The following GSK3B variants were observed in gnomAD, a reference collection of about 807,000 sequenced individuals.
The protein encoded by GSK3B is glycogen synthase kinase-3 beta.
Under a neutral mutation model 56.4 loss-of-function variants are expected in GSK3B, and 15 were observed. The ratio of observed to expected loss-of-function variants is 0.27; its 90% CI spans 0.18 to 0.41. GSK3B has a LOEUF of 0.41. Among genes scored for constraint, GSK3B ranks in the 10% least tolerant of loss-of-function variants. The pLI is 1.00. For missense variants in GSK3B, 300 were observed against 513.4 expected (o/e 0.58, Z 4.02); for synonymous variants, 181 against 188.9 (o/e 0.96, Z 0.34).
chr3:119,930,105 ACACACACACACACACACACGTGCGCATG>A (rs2056930660), intron 3 of GSK3B, among the ~76,000 whole-genome samples: 1 of 150,434 alleles, frequency 6.6e-6, no homozygotes, highest in Non-Finnish European at 1.5e-5. Flanking sequence ...ACACACACAC[ACACACACACACACACACACGTGCGCATG>A]CACACACACA....
Position 119,825,914 on chromosome 3 carries a change from C to G in GSK3B, c.*874G>C, listed in dbSNP as rs2055496142. The G allele has an allele frequency of 4.6e-6, 1 of 215,610 alleles. No individual in the cohort carries two copies. 13.4% of individuals were successfully genotyped at this position (215,610 alleles called of 1,614,324 possible). A position where few individuals can be genotyped will look rare whatever the true frequency, so the allele number is the denominator to read the frequency against. ...TGTCCCCTTCCTCTGGGCTCATCAG[C>G]CTTTGACCTCAGCAGCTAGCTCAGC... On this transcript the variant is annotated 3_prime_UTR_variant, in exon 11 of 11. Coordinates refer to ENST00000264235, the MANE Select transcript of GSK3B (RefSeq NM_001146156.2).
At chr3:119,903,857 T>C (rs2056650324) in intron 7 of GSK3B, among the ~76,000 whole-genome samples, 1 of 152,168 alleles carries the variant, frequency 6.6e-6, no homozygotes, top group African/African-American at 2.4e-5. Flanking sequence ...TGAGCTCAAG[T>C]ACGTCAAATA....
intron 1 of GSK3B, among the ~76,000 whole-genome samples, chr3:120,016,211 A>T (rs1576273425): frequency 6.6e-6 from 1 of 152,194 alleles, no homozygotes; most frequent in Non-Finnish European, 1.5e-5. Context: ...TACTAAAATG[A>T]AGACCCTAGA....
chr3:119,976,628 T>C (rs546890097), intron 2 of GSK3B, among the ~76,000 whole-genome samples: 2 of 152,220 alleles, frequency 1.3e-5, no homozygotes, highest in South Asian at 2.1e-4. Context: ...AATTAGATAG[T>C]AGTGATAGTT....
At chr3:119,889,230 AC>A (rs1482495446) in intron 7 of GSK3B, among the ~76,000 whole-genome samples, 6 of 151,714 alleles carry the variant, frequency 4.0e-5, no homozygotes, top group Admixed American at 3.9e-4. Context: ...ATGTGATGTC[AC>A]CCCCGGAGGC....
At chr3:119,923,143 T>C (rs894039734) in intron 4 of GSK3B, among the ~76,000 whole-genome samples, 15 of 152,198 alleles carry the variant, frequency 9.9e-5, no homozygotes, top group Admixed American at 2.6e-4. Context: ...GTGAAAAATA[T>C]TCACTGTAAT....
intron 2 of GSK3B, among the ~76,000 whole-genome samples, chr3:119,959,038 T>C (rs375932655): frequency 1.6e-4 from 25 of 152,322 alleles, no homozygotes; most frequent in East Asian, 7.7e-4. Flanking sequence ...ACAAAAATGA[T>C]TGGTTGACTC....
chr3:119,830,591 A>G (rs1313898733), intron 10 of GSK3B, among the ~76,000 whole-genome samples: 1 of 152,230 alleles, frequency 6.6e-6, no homozygotes, highest in Non-Finnish European at 1.5e-5. Flanking sequence ...ATTATGGTTT[A>G]AAAGAGAGGC....
intron 1 of GSK3B, among the ~76,000 whole-genome samples, chr3:120,045,678 A>G (rs1198953593): frequency 6.6e-6 from 1 of 152,186 alleles, no homozygotes; most frequent in Non-Finnish European, 1.5e-5. Flanking sequence ...GCCCTTCTGC[A>G]AAAATAAACT....
chr3:120,061,883 C>A (rs2058239683), intron 1 of GSK3B, among the ~76,000 whole-genome samples: 1 of 152,122 alleles, frequency 6.6e-6, no homozygotes, highest in South Asian at 2.1e-4. Flanking sequence ...CAGGCATGTG[C>A]TACCACGCGC....
chr3:119,990,796 C>T (rs148542517), intron 2 of GSK3B, among the ~76,000 whole-genome samples: 175 of 152,250 alleles, frequency 1.1e-3, no homozygotes, highest in African/African-American at 4.0e-3. Context: ...GGAGTAGTGG[C>T]GCATGCCTGC....
intron 1 of GSK3B, among the ~76,000 whole-genome samples, chr3:120,008,958 A>G (rs1326559847): frequency 6.6e-6 from 1 of 152,238 alleles, no homozygotes; most frequent in East Asian, 1.9e-4. Context: ...AATATAAAGA[A>G]TCTACAAAGA....
chr3:119,976,456 T>A (rs1179258023), intron 2 of GSK3B, among the ~76,000 whole-genome samples: 1 of 152,006 alleles, frequency 6.6e-6, no homozygotes, highest in Non-Finnish European at 1.5e-5. Context: ...CTATTCTAAG[T>A]GAAAGAAGCC....
intron 5 of GSK3B, among the ~76,000 whole-genome samples, chr3:119,915,609 T>C (rs2056772941): frequency 1.3e-5 from 2 of 152,064 alleles, no homozygotes; most frequent in Admixed American, 1.3e-4. Flanking sequence ...TGGCATACAA[T>C]ACATATACTC....
chr3:119,856,258 G>C (rs2056021479), intron 9 of GSK3B, among the ~76,000 whole-genome samples: 1 of 152,124 alleles, frequency 6.6e-6, no homozygotes. Context: ...AGGGAACTAG[G>C]CTTTAGGTCT....
At chr3:119,913,712 A>C (rs1244178940) in intron 5 of GSK3B, among the ~76,000 whole-genome samples, 1 of 152,008 alleles carries the variant, frequency 6.6e-6, no homozygotes, top group African/African-American at 2.4e-5. Context: ...AGATGAAAGT[A>C]GTCACAAGGA....
intron 2 of GSK3B, among the ~76,000 whole-genome samples, chr3:119,957,397 C>A (rs926303048): frequency 6.6e-6 from 1 of 152,134 alleles, no homozygotes; most frequent in African/African-American, 2.4e-5. Flanking sequence ...ACAAAGGATG[C>A]CTGCATGAAC....
At chr3:119,959,210 C>G (rs955471499) in intron 2 of GSK3B, among the ~76,000 whole-genome samples, 6 of 152,300 alleles carry the variant, frequency 3.9e-5, no homozygotes, top group African/African-American at 1.4e-4. Context: ...TCTCTCACCT[C>G]TTTCAGCTGC....
rs74599863 is a variant in GSK3B at position 119,857,499 on chromosome 3, A to G, written c.1096+5920T>C. ...ATAAGAAGTAACTCCTCATTCATTC[A>G]TGTTTTATCATAAAGACTGCAGCAA... On this transcript the variant is annotated intron_variant, in intron 9 of 10. Coordinates refer to ENST00000264235, the MANE Select transcript of GSK3B (RefSeq NM_001146156.2). Among the ~76,000 whole-genome samples the G allele has an allele frequency of 5.0e-3, 762 of 152,292 alleles. 7 individuals are homozygous for G. Among genetic ancestry groups the G allele is most frequent in the African/African-American group, 0.018 (741 of 41,560 alleles).
Sources: allele counts gnomAD v4.1 joint callset (sites outside exome capture counted in the v4.1 genomes callset), GRCh38; gene constraint gnomAD v4.1.1; transcripts MANE v1.5; gene names NCBI Gene and HGNC (gene_info 2026-07-23, HGNC 2026-07-21).